The following TTBK1 variants were observed in gnomAD, a reference collection of about 807,000 sequenced individuals.
The protein encoded by TTBK1 is tau-tubulin kinase 1.
A neutral mutation model predicts 108.5 loss-of-function variants in TTBK1; 34 were observed. The ratio of observed to expected loss-of-function variants is 0.31; its 90% CI spans 0.24 to 0.42. TTBK1 has a LOEUF of 0.42. Among genes scored for constraint, TTBK1 ranks in the 10% least tolerant of loss-of-function variants. The pLI, the probability that TTBK1 is intolerant of heterozygous loss-of-function variation, is 1.00. For synonymous variants in TTBK1, 809 were observed against 795.1 expected (o/e 1.02, Z -0.29); for missense variants, 1,539 against 1,826.0 (o/e 0.84, Z 2.86).
chr6:43,245,666 C>T (rs1171933941), intron 1 of TTBK1, among the ~76,000 whole-genome samples: 1 of 152,146 alleles, frequency 6.6e-6, no homozygotes, highest in African/African-American at 2.4e-5. Context: ...TCCCAACCCC[C>T]GCCGTTGGGA....
chr6:43,257,742 C>G lies in TTBK1; in HGVS notation c.862-70C>G. On this transcript the variant is annotated intron_variant, in intron 9 of 14. Coordinates refer to ENST00000259750, the MANE Select transcript of TTBK1 (RefSeq NM_032538.3). The surrounding 1 kb of genome is among the most constrained non-coding windows in gnomAD (Gnocchi z 4.5). ...CCCTGTCTTCCTCCTATGATCCCAG[C>G]AACTGCCCCTTCCTCCTGGCTAGCC... 6.6e-7 allele frequency: 1 copy of G among 1,521,766 alleles called. No individual in the cohort carries two copies. The highest frequency in any genetic ancestry group is 2.3e-5 in the East Asian group (1 of 42,902). The allele number at this position is 1,521,766 out of a possible 1,614,324, so 94.3% of individuals were successfully genotyped here. A position where few individuals can be genotyped will look rare whatever the true frequency, so the allele number is the denominator to read the frequency against.
chr6:43,279,010 C>A (rs1778078014), intron 13 of TTBK1, among the ~76,000 whole-genome samples: 1 of 152,208 alleles, frequency 6.6e-6, no homozygotes, highest in African/African-American at 2.4e-5. Context: ...GAGTGGGAGA[C>A]ACTGGAAAGA....
At chr6:43,245,739 C>T (rs2651206) in intron 1 of TTBK1, among the ~76,000 whole-genome samples, 70,812 of 151,968 alleles carry the variant, frequency 0.47, 18,928 homozygotes, top group African/African-American at 0.75. Context: ...TCTTTCTTGT[C>T]GATTCCTAAG....
chr6:43,244,673 T>G (rs1047491847), intron 1 of TTBK1, among the ~76,000 whole-genome samples: 1 of 152,232 alleles, frequency 6.6e-6, no homozygotes, highest in Non-Finnish European at 1.5e-5. Flanking sequence ...TTGCCTCATC[T>G]GTTTCTTTTT....
Position 43,273,601 on chromosome 6 carries a change from C to T in TTBK1, c.1987-9126C>T, listed in dbSNP as rs374066571. Among the ~76,000 whole-genome samples the T allele has an allele frequency of 5.3e-5, 8 of 152,226 alleles. No individual in the cohort carries two copies. The South Asian group carries it at 1.5e-3, about 28-fold the overall frequency. Reference sequence around the variant, plus strand: ...GGAAGACACTGGCATCTGTGAACACCGAATGGGTGTCACCAACTCGTACAT... The same window carrying T: ...GGAAGACACTGGCATCTGTGAACACTGAATGGGTGTCACCAACTCGTACAT... On this transcript the variant is annotated intron_variant, in intron 13 of 14. Coordinates refer to ENST00000259750, the MANE Select transcript of TTBK1 (RefSeq NM_032538.3). This position sits in a 1 kb window ranked among gnomAD's most constrained non-coding sequence, Gnocchi z 4.2.
intron 13 of TTBK1, among the ~76,000 whole-genome samples, chr6:43,266,402 C>T (rs1753358867): frequency 6.6e-6 from 1 of 152,212 alleles, no homozygotes; most frequent in Non-Finnish European, 1.5e-5. Flanking sequence ...TTAGCACTGT[C>T]CTAAGCACTT....
intron 13 of TTBK1, among the ~76,000 whole-genome samples, chr6:43,277,237 G>A (rs1203033521): frequency 2.6e-5 from 4 of 152,116 alleles, no homozygotes; most frequent in East Asian, 1.9e-4. Flanking sequence ...GGGGTGGCCC[G>A]CCAAGGAGGG....
At chr6:43,271,737 T>C in intron 13 of TTBK1, 1 of 984,980 alleles carries the variant, frequency 1.0e-6, no homozygotes, top group Non-Finnish European at 1.2e-6. Context: ...CACACTCCTT[T>C]CCCCAAAATC....
rs1454109661 is a variant in TTBK1, at chr6:43,257,741, G to C, written c.862-71G>C. The C allele has an allele frequency of 6.6e-7, 1 of 1,518,516 alleles. No individual in the cohort carries two copies. 94.1% of individuals were successfully genotyped at this position (1,518,516 alleles called of 1,614,324 possible). On this transcript the variant is annotated intron_variant, in intron 9 of 14. Coordinates refer to ENST00000259750, the MANE Select transcript of TTBK1 (RefSeq NM_032538.3). The surrounding 1 kb of genome is among the most constrained non-coding windows in gnomAD (Gnocchi z 4.5). Reference sequence around the variant, plus strand: ...TCCCTGTCTTCCTCCTATGATCCCAGCAACTGCCCCTTCCTCCTGGCTAGC... The same window carrying C: ...TCCCTGTCTTCCTCCTATGATCCCACCAACTGCCCCTTCCTCCTGGCTAGC...
intron 13 of TTBK1, among the ~76,000 whole-genome samples, chr6:43,266,538 G>C (rs962092517): frequency 1.3e-5 from 2 of 152,146 alleles, no homozygotes. Flanking sequence ...GCTGGTAAGT[G>C]TTAGCAACGG....
Position 43,257,078 on chromosome 6 carries a change from T to C in TTBK1, c.862-734T>C, listed in dbSNP as rs1406464247. On this transcript the variant is annotated intron_variant, in intron 9 of 14. Coordinates refer to ENST00000259750, the MANE Select transcript of TTBK1 (RefSeq NM_032538.3). The surrounding 1 kb of genome is among the most constrained non-coding windows in gnomAD (Gnocchi z 4.5). ...ACAGCCTGAGGCACACAGGATGCAC[T>C]CAATTAAGCCGGTCCTCTCAGCAGA... 6.6e-6 allele frequency among the ~76,000 whole-genome samples: 1 copy of C among 152,168 alleles called. No individual in the cohort carries two copies. The highest frequency in any genetic ancestry group is 1.5e-5 in the Non-Finnish European group (1 of 68,028).
rs1777644677 is a variant in TTBK1, at chr6:43,265,206, A to T, written c.1986+1856A>T. On this transcript the variant is annotated intron_variant, in intron 13 of 14. Transcript: ENST00000259750. The surrounding 1 kb of genome is among the most constrained non-coding windows in gnomAD (Gnocchi z 4.1). ...TAGTGGTCCCACATTGGGGGCGTAC[A>T]CTCTAGGTGGCTCTGGGAGGTGCCC... Among the ~76,000 whole-genome samples, 1 of 151,886 alleles carries T rather than the reference A, an allele frequency of 6.6e-6. No homozygotes were observed. The highest frequency in any genetic ancestry group is 2.4e-5 in the African/African-American group (1 of 41,340).
chr6:43,279,005 G>A (rs1033879438), intron 13 of TTBK1, among the ~76,000 whole-genome samples: 1 of 152,198 alleles, frequency 6.6e-6, no homozygotes, highest in Non-Finnish European at 1.5e-5. Context: ...GGACTGAGTG[G>A]GAGACACTGG....
intron 13 of TTBK1, among the ~76,000 whole-genome samples, chr6:43,274,520 G>T (rs1777913286): frequency 6.6e-6 from 1 of 152,154 alleles, no homozygotes; most frequent in African/African-American, 2.4e-5. Context: ...TCTGACCGGG[G>T]ATGGGGGCAA....
chr6:43,262,707 A>C (rs1582493200), intron 12 of TTBK1, 82 bp from the exon 13 acceptor site: 2 of 1,381,108 alleles, frequency 1.4e-6, no homozygotes, highest in Non-Finnish European at 1.9e-6. Context: ...TTTGGGAGTC[A>C]CGCCCCACCC....
Position 43,285,160 on chromosome 6 carries a change from G to A in TTBK1, c.3750G>A (p.Arg1250=). ...SAARNASASP[R]SQSLSRRESP... ...CGCGCAATGCCAGCGCGTCCCCCCG[G>A]AGCCAGTCCCTGTCCCGCAGAGAGA... The change falls in exon 15 of 15, where the codon CGG becomes CGA. Residue 1250 remains arginine, a synonymous_variant. Coordinates refer to ENST00000259750, the MANE Select transcript of TTBK1 (RefSeq NM_032538.3). The surrounding 1 kb of genome is among the most constrained non-coding windows in gnomAD (Gnocchi z 4.7). The A allele has an allele frequency of 1.4e-6, 2 of 1,418,186 alleles. No individual in the cohort carries two copies. Among genetic ancestry groups the A allele is most frequent in the African/African-American group, 1.5e-5 (1 of 66,356 alleles). 87.9% of individuals were successfully genotyped at this position (1,418,186 alleles called of 1,614,324 possible).
intron 13 of TTBK1, among the ~76,000 whole-genome samples, chr6:43,267,399 G>C (rs1777709703): frequency 6.6e-6 from 1 of 152,146 alleles, no homozygotes; most frequent in African/African-American, 2.4e-5. Flanking sequence ...AGGGCAGGCA[G>C]GAAGTCTCTG....
chr6:43,255,060 G>A lies in TTBK1; in HGVS notation c.588G>A (p.Val196=). ...TCTCCCTTCTGCAGCCTCGGAATGTGGCCGGGTTTCGAGGAACGGTTCGCT... is the reference window on the plus strand; with the variant it reads ...TCTCCCTTCTGCAGCCTCGGAATGTAGCCGGGTTTCGAGGAACGGTTCGCT... The part of the protein sequence containing the change: ...TTGDVRPPRN[V]AGFRGTVRYA... Residue 196 remains valine (V), a synonymous_variant, in exon 7 of 15, where the codon GTG becomes GTA. Coordinates refer to ENST00000259750, the MANE Select transcript of TTBK1 (RefSeq NM_032538.3). The A allele has an allele frequency of 6.2e-7, 1 of 1,613,834 alleles. No individual in the cohort carries two copies. The highest frequency in any genetic ancestry group is 8.5e-7 in the Non-Finnish European group (1 of 1,179,944).
intron 2 of TTBK1, among the ~76,000 whole-genome samples, chr6:43,249,678 G>A (rs949779101): frequency 7.2e-5 from 11 of 151,838 alleles, no homozygotes; most frequent in African/African-American, 2.7e-4. Flanking sequence ...CCAGATTCAA[G>A]CAATTCTTAT....
Sources: gnomAD v4.1 joint callset for allele counts (sites outside exome capture counted in the v4.1 genomes callset) on GRCh38, gnomAD v4.1.1 for gene constraint, Gnocchi (gnomAD v3.1) non-coding constraint, MANE v1.5 for transcripts, NCBI Gene and HGNC (gene_info 2026-07-23, HGNC 2026-07-21) for gene names.